The following LRRC8D variants were observed in gnomAD, a reference collection of about 807,000 sequenced individuals.
The protein encoded by LRRC8D is volume-regulated anion channel subunit LRRC8D.
Under a neutral mutation model 55.8 loss-of-function variants are expected in LRRC8D, and 20 were observed. That is an observed-to-expected ratio of 0.36 (90% confidence interval 0.25 to 0.52). The LOEUF is 0.52. LRRC8D is among the 20% of genes least tolerant of loss of function. LRRC8D has a pLI of 0.93. For missense variants in LRRC8D, 651 were observed against 1,030.8 expected (o/e 0.63, Z 5.05); for synonymous variants, 352 against 377.0 (o/e 0.93, Z 0.77).
intron 2 of LRRC8D, among the ~76,000 whole-genome samples, chr1:89,922,781 T>G (rs1663458574): frequency 1.3e-5 from 2 of 152,236 alleles, no homozygotes; most frequent in African/African-American, 2.4e-5. Flanking sequence ...CATATCTACC[T>G]TCACTATCCT....
intron 1 of LRRC8D, among the ~76,000 whole-genome samples, chr1:89,830,594 C>T (rs1233266714): frequency 6.6e-6 from 1 of 152,128 alleles, no homozygotes; most frequent in Non-Finnish European, 1.5e-5. Flanking sequence ...GCAGCAGGCA[C>T]TCGCCCTCAG....
rs775683551 is a variant in LRRC8D, at chr1:89,935,180, T to C, written c.2112T>C (p.His704=). ...TTACTATTCCTCCCTCTATTACCCA[T>C]GTCAAAAACTTGGAGTCACTTTATT... The part of the protein sequence containing the change: ...KIVTIPPSIT[H]VKNLESLYFS... Residue 704 remains histidine (H), a synonymous_variant, in exon 3 of 3, where the codon CAT becomes CAC. Coordinates refer to ENST00000337338, the MANE Select transcript of LRRC8D (RefSeq NM_001134479.2). 8.7e-6 allele frequency: 14 copies of C among 1,614,088 alleles called. No individual in the cohort carries two copies. Among genetic ancestry groups the C allele is most frequent in the Non-Finnish European group, 9.3e-6 (11 of 1,180,014 alleles).
intron 2 of LRRC8D, among the ~76,000 whole-genome samples, chr1:89,924,113 A>C (rs1663493052): frequency 6.6e-6 from 1 of 152,234 alleles, no homozygotes. Context: ...TCTGCACAGC[A>C]AATTAAACTG....
intron 2 of LRRC8D, among the ~76,000 whole-genome samples, chr1:89,903,164 C>G (rs1662907179): frequency 6.6e-6 from 1 of 152,106 alleles, no homozygotes. Flanking sequence ...AGTGTGACTC[C>G]TGTGTCTCTT....
In LRRC8D at chr1:89,935,727, T is replaced by C; in HGVS notation, c.*82T>C. On this transcript the variant is annotated 3_prime_UTR_variant, in exon 3 of 3. Transcript: ENST00000337338. ...TCACGTACAAGTTATTACAAGATAA[T>C]GCATTTTAGGAGTAGATACATCTTT... 7.8e-7 allele frequency: 1 copy of C among 1,289,496 alleles called. No homozygotes were observed. The highest frequency in any genetic ancestry group is 2.3e-5 in the East Asian group (1 of 42,852). The allele number at this position is 1,289,496 out of a possible 1,614,324, so 79.9% of individuals were successfully genotyped here.
chr1:89,843,503 C>A, intron 1 of LRRC8D, 135 bp from the exon 2 acceptor site: 2 of 536,372 alleles, frequency 3.7e-6, no homozygotes, highest in East Asian at 6.9e-5. Context: ...GCCAGGGGAG[C>A]GCTGGGTGCC....
Position 89,880,884 on chromosome 1 carries a change from A to G in LRRC8D, c.-3+37102A>G, listed in dbSNP as rs112590220. ...TTACATAATACAGTGTACATATTAC[A>G]TAATATATGTAATACATAATATATT... On this transcript the variant is annotated intron_variant, in intron 2 of 2. Coordinates refer to ENST00000337338, the MANE Select transcript of LRRC8D (RefSeq NM_001134479.2). Among the ~76,000 whole-genome samples the G allele has an allele frequency of 9.4e-3, 1,438 of 152,278 alleles. 14 individuals are homozygous for G. The highest frequency in any genetic ancestry group is 0.033 in the African/African-American group (1,375 of 41,556).
At position 89,849,523 on chromosome 1, in the gene LRRC8D, C is replaced by T. The variant is rs578106641; in HGVS notation, c.-3+5741C>T. Among the ~76,000 whole-genome samples, 18 of 150,814 alleles carry T rather than the reference C, an allele frequency of 1.2e-4. No homozygotes were observed. In the South Asian group the frequency reaches 1.5e-3, roughly 12 times the overall value. On this transcript the variant is annotated intron_variant, in intron 2 of 2. Transcript: ENST00000337338. The stretch of plus-strand genomic sequence containing the variant: ...TTTTTTTAAACAAATTTCCTGATTG[C>T]TGCCAACCTGATAAATGTTGATTAT...
chr1:89,846,179 T>C (rs1195099229), intron 2 of LRRC8D, among the ~76,000 whole-genome samples: 1 of 152,180 alleles, frequency 6.6e-6, no homozygotes, highest in Non-Finnish European at 1.5e-5. Context: ...TAAGATACAG[T>C]AGAACAGCTT....
chr1:89,845,874 C>T (rs767203338), intron 2 of LRRC8D, among the ~76,000 whole-genome samples: 5 of 151,238 alleles, frequency 3.3e-5, no homozygotes, highest in Non-Finnish European at 5.9e-5. Context: ...CTCCGTCTCC[C>T]GGGTTCAAGC....
intron 2 of LRRC8D, among the ~76,000 whole-genome samples, chr1:89,909,213 T>G (rs1298850076): frequency 6.6e-6 from 1 of 152,158 alleles, no homozygotes; most frequent in African/African-American, 2.4e-5. Flanking sequence ...GGCCTGTAAT[T>G]TATATCTGTG....
At chr1:89,880,669 C>G (rs1170071053) in intron 2 of LRRC8D, among the ~76,000 whole-genome samples, 1 of 151,960 alleles carries the variant, frequency 6.6e-6, no homozygotes, top group African/African-American at 2.4e-5. Flanking sequence ...CTTGCCCAAC[C>G]AGCTAGATAC....
chr1:89,916,055 A>G (rs1245279007), intron 2 of LRRC8D, among the ~76,000 whole-genome samples: 1 of 152,240 alleles, frequency 6.6e-6, no homozygotes, highest in Non-Finnish European at 1.5e-5. Context: ...AAGCGTGTTT[A>G]TGAACTGCAG....
intron 2 of LRRC8D, among the ~76,000 whole-genome samples, chr1:89,883,326 A>C (rs1192966528): frequency 6.6e-6 from 1 of 152,148 alleles, no homozygotes; most frequent in Non-Finnish European, 1.5e-5. Context: ...AGATTGGAGC[A>C]GTTAGATCCA....
chr1:89,883,140 A>G (rs1341619475), intron 2 of LRRC8D, among the ~76,000 whole-genome samples: 2 of 152,086 alleles, frequency 1.3e-5, no homozygotes, highest in Non-Finnish European at 2.9e-5. Flanking sequence ...GGTATAGTGC[A>G]TGATCACGCC....
chr1:89,837,646 G>C lies in LRRC8D; in HGVS notation c.-147-5992G>C, dbSNP rs140890820. Among the ~76,000 whole-genome samples the C allele has an allele frequency of 2.4e-4, 36 of 152,286 alleles. No homozygotes were observed. The East Asian group carries it at 5.8e-3, about 25-fold the overall frequency. ...TCCTACCTCATAGGGTTGTTGTCAGGAATCATTGAAGTGTTAATACATGTA... is the reference window on the plus strand; with the variant it reads ...TCCTACCTCATAGGGTTGTTGTCAGCAATCATTGAAGTGTTAATACATGTA... On this transcript the variant is annotated intron_variant, in intron 1 of 2. Transcript: ENST00000337338.
chr1:89,832,664 G>A (rs1021840436), intron 1 of LRRC8D, among the ~76,000 whole-genome samples: 5 of 152,092 alleles, frequency 3.3e-5, no homozygotes, highest in East Asian at 1.9e-4. Flanking sequence ...TCCACTGCTC[G>A]GCCTTCTAGG....
chr1:89,933,105 A>G lies in LRRC8D; in HGVS notation c.37A>G (p.Ile13Val), dbSNP rs1417280911. The change falls in exon 3 of 3, where the codon ATT becomes GTT. Residue 13 changes from isoleucine to valine, a missense_variant. Ile to Val is a conservative substitution (Grantham distance 29, BLOSUM62 3). This residue lies in a region of LRRC8D where 15 missense variants were observed against 22.0 expected (regional missense o/e 0.68). Transcript: ENST00000337338. This position sits in a 1 kb window ranked among gnomAD's most constrained non-coding sequence, Gnocchi z 7.0. ...TGCGGAAGTTGCATCACTTAATGAC[A>G]TTCAGCCAACTTACCGAATCCTGAA... ...TLAEVASLND[I>V]QPTYRILKPW... 2 of 1,612,610 alleles carry G rather than the reference A, an allele frequency of 1.2e-6. No individual in the cohort carries two copies. Among genetic ancestry groups the G allele is most frequent in the Non-Finnish European group, 1.7e-6 (2 of 1,178,770 alleles).
At chr1:89,885,695 G>C (rs1662401433) in intron 2 of LRRC8D, among the ~76,000 whole-genome samples, 1 of 152,170 alleles carries the variant, frequency 6.6e-6, no homozygotes, top group Admixed American at 6.5e-5. Flanking sequence ...GGTGTTTACT[G>C]TCTTCCTTAA....
Sources: allele counts gnomAD v4.1 joint callset (sites outside exome capture counted in the v4.1 genomes callset), GRCh38; gene constraint gnomAD v4.1.1; regional missense constraint gnomAD v4.1.1; non-coding constraint Gnocchi (gnomAD v3.1); transcripts MANE v1.5; gene names NCBI Gene and HGNC (gene_info 2026-07-23, HGNC 2026-07-21).